The following TMTC2 variants were observed in gnomAD, a reference collection of about 807,000 sequenced individuals.
TMTC2 encodes transmembrane O-mannosyltransferase targeting cadherins 2, also known as protein O-mannosyl-transferase TMTC2.
A neutral mutation model predicts 82.4 loss-of-function variants in TMTC2; 43 were observed. The observed-to-expected ratio is 0.52, with a 90% CI of 0.41 to 0.67. The LOEUF (loss-of-function observed/expected upper bound fraction) is 0.67. Ranked by LOEUF, TMTC2 falls within the 30% of genes least tolerant of loss-of-function variation. TMTC2 has a pLI of 0.00. For synonymous variants in TMTC2, 408 were observed against 381.9 expected (o/e 1.07, Z -0.80); for missense variants, 919 against 1,012.4 (o/e 0.91, Z 1.25).
chr12:82,744,044 G>A (rs144777045), intron 1 of TMTC2, among the ~76,000 whole-genome samples: 39 of 152,224 alleles, frequency 2.6e-4, no homozygotes, highest in South Asian at 1.0e-3. Context: ...GAGGCCAGGC[G>A]GGAGGATCGC....
At chr12:82,932,259 C>G (rs1327101254) in intron 4 of TMTC2, among the ~76,000 whole-genome samples, 2 of 152,134 alleles carry the variant, frequency 1.3e-5, no homozygotes, top group African/African-American at 4.8e-5. Context: ...ACCTCGTAGG[C>G]TTTAACACTG....
chr12:82,909,427 C>A (rs1236732499), intron 3 of TMTC2, among the ~76,000 whole-genome samples: 1 of 152,244 alleles, frequency 6.6e-6, no homozygotes. Context: ...GCAACCTCCA[C>A]CTCCCAGGTT....
chr12:83,074,202 G>C, intron 11 of TMTC2, among the ~76,000 whole-genome samples: 1 of 152,038 alleles, frequency 6.6e-6, no homozygotes, highest in Admixed American at 6.6e-5. Flanking sequence ...TTTTCCTATG[G>C]ATGTGGCTTC....
chr12:83,007,145 GTGT>G (rs893034476), intron 8 of TMTC2, among the ~76,000 whole-genome samples: 13 of 151,700 alleles, frequency 8.6e-5, no homozygotes, highest in African/African-American at 2.9e-4. Context: ...CGAACTCTCA[GTGT>G]TGTTGTTATT....
intron 2 of TMTC2, among the ~76,000 whole-genome samples, chr12:82,864,493 AT>A (rs1409564262): frequency 7.2e-6 from 1 of 139,332 alleles, no homozygotes; most frequent in Non-Finnish European, 1.5e-5. Flanking sequence ...TGTATGTCAC[AT>A]TCTTTTTTTT....
At chr12:82,932,812 C>T (rs959672617) in intron 4 of TMTC2, among the ~76,000 whole-genome samples, 2 of 152,168 alleles carry the variant, frequency 1.3e-5, no homozygotes, top group African/African-American at 4.8e-5. Flanking sequence ...CTGGTTAAAA[C>T]GTTGCCCACC....
chr12:82,960,158 C>CA (rs750897909), intron 4 of TMTC2, among the ~76,000 whole-genome samples: 1 of 151,690 alleles, frequency 6.6e-6, no homozygotes, highest in African/African-American at 2.4e-5. Context: ...TTTAAAAAGT[C>CA]AAAAAAACAA....
chr12:82,937,701 G>T (rs892484563), intron 4 of TMTC2, among the ~76,000 whole-genome samples: 1 of 73,270 alleles, frequency 1.4e-5, no homozygotes, highest in South Asian at 5.5e-4. Flanking sequence ...AAATGTCAAT[G>T]GTGTGTGTGT....
chr12:82,988,502 G>A (rs1047435716), intron 8 of TMTC2, among the ~76,000 whole-genome samples: 1 of 152,050 alleles, frequency 6.6e-6, no homozygotes, highest in Non-Finnish European at 1.5e-5. Context: ...AAGGGAAAGG[G>A]GCCCTTAAGA....
Position 83,132,258 on chromosome 12 carries a change from A to G in TMTC2, c.2380A>G (p.Arg794Gly). The G allele has an allele frequency of 6.2e-7, 1 of 1,613,824 alleles. No individual in the cohort carries two copies. Among genetic ancestry groups the G allele is most frequent in the East Asian group, 2.2e-5 (1 of 44,860 alleles). ...NLGAILHLNG[R>G]LQKAEANYLR... ...GGGAGCCATTCTGCACCTCAATGGC[A>G]GACTCCAGAAGGCCGAGGCCAACTA... The change falls in exon 12 of 12, where the codon AGA becomes GGA. Residue 794 changes from arginine (R) to glycine (G), a missense_variant. By Grantham distance (125) the Arg-to-Gly change is moderately radical. Transcript: ENST00000321196.
At chr12:83,032,257 T>TTATATA (rs57604518) in intron 9 of TMTC2, among the ~76,000 whole-genome samples, 1,609 of 130,462 alleles carry the variant, frequency 0.012, 21 homozygotes, top group South Asian at 0.021. Context: ...AGAGAATATT[T>TTATATA]TATATATATA....
chr12:83,079,558 C>G (rs1883395072), intron 11 of TMTC2, among the ~76,000 whole-genome samples: 1 of 152,066 alleles, frequency 6.6e-6, no homozygotes, highest in East Asian at 1.9e-4. Flanking sequence ...TTTGCTTTTA[C>G]TTGTAACCAC....
At chr12:82,997,064 A>G (rs2067288163) in intron 8 of TMTC2, among the ~76,000 whole-genome samples, 1 of 151,060 alleles carries the variant, frequency 6.6e-6, no homozygotes, top group South Asian at 2.1e-4. Flanking sequence ...TACCTAGGGT[A>G]CACATTTGCC....
chr12:82,862,201 C>T (rs550023159), intron 2 of TMTC2, among the ~76,000 whole-genome samples: 35 of 152,282 alleles, frequency 2.3e-4, no homozygotes, highest in African/African-American at 7.7e-4. Flanking sequence ...ACATACTAGA[C>T]TTTTATCTGC....
intron 1 of TMTC2, among the ~76,000 whole-genome samples, chr12:82,831,595 C>T (rs1199474124): frequency 6.6e-6 from 1 of 152,104 alleles, no homozygotes; most frequent in Admixed American, 6.6e-5. Flanking sequence ...TCTTCATCTT[C>T]AGGCCAAACT....
intron 1 of TMTC2, chr12:82,758,919 G>GC (rs1876473700): frequency 6.6e-6 from 1 of 152,132 alleles, no homozygotes; most frequent in Non-Finnish European, 1.5e-5. Flanking sequence ...AGGCAGTGTA[G>GC]CCATAAGGAA....
At chr12:83,112,697 A>G (rs1483782332) in intron 11 of TMTC2, among the ~76,000 whole-genome samples, 1 of 152,216 alleles carries the variant, frequency 6.6e-6, no homozygotes, top group Non-Finnish European at 1.5e-5. Flanking sequence ...ACATAAAAGA[A>G]TTGAAAAGAT....
chr12:82,961,206 A>G (rs1162942198), intron 4 of TMTC2, among the ~76,000 whole-genome samples: 1 of 146,628 alleles, frequency 6.8e-6, no homozygotes, highest in East Asian at 2.0e-4. Context: ...TATTATTATT[A>G]TTATTATTAT....
At chr12:83,130,974 T>C (rs1885241245) in intron 11 of TMTC2, among the ~76,000 whole-genome samples, 1 of 152,212 alleles carries the variant, frequency 6.6e-6, no homozygotes. Flanking sequence ...CTCTCCCCTG[T>C]AGCATTGCTT....
Sources: allele counts gnomAD v4.1 joint callset (sites outside exome capture counted in the v4.1 genomes callset), GRCh38; gene constraint gnomAD v4.1.1; transcripts MANE v1.5; gene names NCBI Gene and HGNC (gene_info 2026-07-23, HGNC 2026-07-21).